The following BTNL3 variants were observed in gnomAD, a reference collection of about 807,000 sequenced individuals.
BTNL3 encodes the protein butyrophilin like 3, also known as butyrophilin-like protein 3.
Under a neutral mutation model 40.1 loss-of-function variants are expected in BTNL3, and 20 were observed. The ratio of observed to expected loss-of-function variants is 0.50; its 90% CI spans 0.35 to 0.72. The LOEUF is 0.72. BTNL3 is among the 30% of genes least tolerant of loss of function. The probability of loss-of-function intolerance (pLI) is 0.01; values close to 1 mark genes in which losing one functional copy is unlikely to be tolerated. For synonymous variants in BTNL3, 179 were observed against 222.1 expected, an observed-to-expected ratio of 0.81 and a Z score of 1.73; for missense variants, 449 against 582.2, an observed-to-expected ratio of 0.77 and a Z score of 2.35.
intron 3 of BTNL3, among the ~76,000 whole-genome samples, chr5:181,001,542 C>T (rs963485437): frequency 3.8e-5 from 5 of 132,356 alleles, no homozygotes; most frequent in Admixed American, 8.2e-5. Flanking sequence ...GTCTCGAACT[C>T]CTGTCCTTAA....
rs1760162880 is a variant in BTNL3 at position 181,003,740 on chromosome 5, A to G, written c.788-116A>G. On this transcript the variant is annotated intron_variant, in intron 4 of 7. Transcript: ENST00000342868. ...GGAGACGAGCACATATAAGTGTCCT[A>G]GGAGAGGCCCTGCCCTTCACACCTG... 5.8e-6 allele frequency: 9 copies of G among 1,559,948 alleles called. No homozygotes were observed. In the South Asian group the frequency reaches 1.1e-4, roughly 18 times the overall value.
intron 3 of BTNL3, among the ~76,000 whole-genome samples, chr5:181,000,608 C>G (rs1276646476): frequency 7.5e-6 from 1 of 132,622 alleles, no homozygotes; most frequent in Non-Finnish European, 1.7e-5. Flanking sequence ...AGATCGAGAC[C>G]ATCCTGGCTA....
rs557961038 is a variant in BTNL3 at position 180,995,925 on chromosome 5, T to C, written c.398-1288T>C. On this transcript the variant is annotated intron_variant, in intron 2 of 7. Transcript: ENST00000342868. ...CTTGCCGCATTTCTAGGGTTTATGA[T>C]TTTACTTAGAGAAAGGAGCAAGGAA... Among the ~76,000 whole-genome samples the C allele has an allele frequency of 4.1e-4, 56 of 135,734 alleles. 7 individuals are homozygous for C. Among genetic ancestry groups the C allele is most frequent in the African/African-American group, 1.4e-3 (55 of 39,582 alleles). 89.0% of individuals were successfully genotyped at this position (135,734 alleles called of 152,430 possible).
intron 5 of BTNL3, 167 bp downstream of exon 5, chr5:181,004,043 G>T: frequency 6.5e-7 from 1 of 1,538,842 alleles, no homozygotes; most frequent in East Asian, 2.3e-5. Flanking sequence ...GTTACCCCTC[G>T]GACATCTGGA....
intron 1 of BTNL3, among the ~76,000 whole-genome samples, chr5:180,989,448 G>C (rs1346399273): frequency 7.3e-6 from 1 of 137,024 alleles, no homozygotes; most frequent in African/African-American, 2.5e-5. Flanking sequence ...CCAGGTTTTT[G>C]ACTTGGGTGC....
chr5:180,998,825 T>C (rs2113081798), intron 3 of BTNL3, among the ~76,000 whole-genome samples: 1 of 137,858 alleles, frequency 7.3e-6, no homozygotes, highest in African/African-American at 2.5e-5. Flanking sequence ...AATATAGTTT[T>C]CTGAGTCAAA....
intron 4 of BTNL3, 75 bp from the exon 5 acceptor site, chr5:181,003,781 G>A (rs1760163512): frequency 6.2e-7 from 1 of 1,612,478 alleles, no homozygotes; most frequent in African/African-American, 1.3e-5. Context: ...CGTCCCACCT[G>A]TGCAAGGAGC....
At chr5:181,004,510 A>AT in intron 6 of BTNL3, 67 bp downstream of exon 6, 1 of 801,286 alleles carries the variant, frequency 1.2e-6, no homozygotes, top group African/African-American at 1.7e-5. Context: ...ATGGATTTTT[A>AT]TATCCTGAGG....
In BTNL3 at chr5:181,005,565, G is replaced by A. The variant is rs1490749774; in HGVS notation, c.1094G>A (p.Gly365Glu). The A allele has an allele frequency of 6.2e-7, 1 of 1,614,000 alleles. No homozygotes were observed. The highest frequency in any genetic ancestry group is 1.1e-5 in the South Asian group (1 of 91,078). ...VGVCRDDVDR[G>E]KNNVTLSPNN... ...GTGTGTCGGGATGACGTAGACAGGGGGAAGAACAATGTGACTTTGTCTCCC... is the reference window on the plus strand; with the variant it reads ...GTGTGTCGGGATGACGTAGACAGGGAGAAGAACAATGTGACTTTGTCTCCC... Residue 365 changes from glycine to glutamate, a missense_variant, in exon 8 of 8, where the codon GGG (glycine) becomes GAG (glutamate). Physicochemically the swap from Gly to Glu is moderately conservative, Grantham distance 98. Coordinates refer to ENST00000342868, the MANE Select transcript of BTNL3 (RefSeq NM_197975.3).
intron 3 of BTNL3, among the ~76,000 whole-genome samples, chr5:181,002,212 G>A (rs1450116641): frequency 2.3e-5 from 3 of 131,088 alleles, no homozygotes; most frequent in African/African-American, 7.8e-5. Context: ...ATCCAAGCTT[G>A]AACATGAGGT....
At position 180,988,912 on chromosome 5, in the gene BTNL3, C is replaced by A. The variant is rs547657342; in HGVS notation, c.-117C>A. 1.7e-6 allele frequency: 2 copies of A among 1,162,314 alleles called. 1 individual carries two copies. The highest frequency in any genetic ancestry group is 2.4e-6 in the Non-Finnish European group (2 of 825,572). The allele number at this position is 1,162,314 out of a possible 1,614,324, so 72.0% of individuals were successfully genotyped here. On this transcript the variant is annotated 5_prime_UTR_variant, in exon 1 of 8. Coordinates refer to ENST00000342868, the MANE Select transcript of BTNL3 (RefSeq NM_197975.3). ...GAGAAATGCACAGTTTGACATCGTT[C>A]ATGAAGAGCCTCTCCACGGCTCCTG...
In BTNL3 at chr5:180,997,180, C is replaced by G; in HGVS notation, c.398-33C>G. On this transcript the variant is annotated intron_variant, in intron 2 of 7. Coordinates refer to ENST00000342868, the MANE Select transcript of BTNL3 (RefSeq NM_197975.3). ...AAATGCTGTAAGCTTGAAATTTGGTCTTTGCTTTCATCTTTCCCTGTTTTC... is the reference window on the plus strand; with the variant it reads ...AAATGCTGTAAGCTTGAAATTTGGTGTTTGCTTTCATCTTTCCCTGTTTTC... 2 of 1,462,572 alleles carry G rather than the reference C, an allele frequency of 1.4e-6. 1 individual carries two copies. Among genetic ancestry groups the G allele is most frequent in the East Asian group, 4.9e-5 (2 of 40,986 alleles). The allele number at this position is 1,462,572 out of a possible 1,614,324, so 90.6% of individuals were successfully genotyped here.
chr5:181,004,440 G>A lies in BTNL3; in HGVS notation c.832G>A (p.Ala278Thr). ...AGACTGGAGAAGAAAGCACGGACAG[G>A]CAGGTAAAAGAAAATATTCCTCTTC... The part of the protein sequence containing the change: ...ELDWRRKHGQ[A>T]ELRDARKHAV... The change falls in exon 6 of 8, where the codon GCA (alanine) becomes ACA (threonine). Residue 278 changes from alanine (A) to threonine (T), a missense_variant. By Grantham distance (58) the Ala-to-Thr change is moderately conservative. This residue lies in a region of BTNL3 where 323 missense variants were observed against 464.9 expected (regional missense o/e 0.69). Transcript: ENST00000342868. 3 of 1,194,586 alleles carry A rather than the reference G, an allele frequency of 2.5e-6. No homozygotes were observed. Among genetic ancestry groups the A allele is most frequent in the Non-Finnish European group, 3.6e-6 (3 of 831,892 alleles). The allele number at this position is 1,194,586 out of a possible 1,614,324, so 74.0% of individuals were successfully genotyped here.
chr5:180,996,175 A>G (rs1760033117), intron 2 of BTNL3, among the ~76,000 whole-genome samples: 1 of 136,600 alleles, frequency 7.3e-6, no homozygotes, highest in South Asian at 2.2e-4. Context: ...GTACTTTTGC[A>G]TATTTCCCAA....
chr5:180,992,788 T>G, intron 1 of BTNL3, 25 bp from the exon 2 acceptor site: 1 of 1,461,338 alleles, frequency 6.8e-7, no homozygotes. Flanking sequence ...TTTTGCTCAG[T>G]TGTCTGTTAT....
chr5:180,996,422 T>C (rs1163082755), intron 2 of BTNL3, among the ~76,000 whole-genome samples: 1 of 136,004 alleles, frequency 7.4e-6, no homozygotes, highest in Non-Finnish European at 1.7e-5. Flanking sequence ...CATACAGGCC[T>C]TGCCATAACT....
rs998045953 is a variant in BTNL3 at position 180,994,627 on chromosome 5, CTCTT to C, written c.397+1471_397+1474del. Among the ~76,000 whole-genome samples the C allele has an allele frequency of 1.8e-4, 24 of 136,150 alleles. 6 individuals carry two copies. Among genetic ancestry groups the C allele is most frequent in the Non-Finnish European group, 2.3e-4 (14 of 59,622 alleles). The allele number at this position is 136,150 out of a possible 152,430, so 89.3% of individuals were successfully genotyped here. On this transcript the variant is annotated intron_variant, in intron 2 of 7. Transcript: ENST00000342868. The stretch of plus-strand genomic sequence containing the variant: ...TCTTTAAATACTCTTTCAGCTCTCT[CTCTT>C]TCTCCTCTCCTTCTGGGACTATGAT...
rs1053536550 is a variant in BTNL3, at chr5:180,994,238, T to C, written c.397+1078T>C. ...TCATTTCCTTTCTGTTTGAAGAATT[T>C]CCTCCAGCCATCCTTTTAGGATAGG... is the stretch of plus-strand genomic sequence containing the variant. On this transcript the variant is annotated intron_variant, in intron 2 of 7. Transcript: ENST00000342868. Among the ~76,000 whole-genome samples the C allele has an allele frequency of 2.2e-5, 3 of 137,672 alleles. 1 individual carries two copies. Among genetic ancestry groups the C allele is most frequent in the African/African-American group, 7.5e-5 (3 of 39,968 alleles). The allele number at this position is 137,672 out of a possible 152,430, so 90.3% of individuals were successfully genotyped here.
In BTNL3 at chr5:181,004,758, C is replaced by T. The variant is rs371454208; in HGVS notation, c.858C>T (p.His286=). The T allele has an allele frequency of 4.0e-4, 642 of 1,614,114 alleles. 1 individual carries two copies. The highest frequency in any genetic ancestry group is 4.7e-4 in the Non-Finnish European group (551 of 1,180,038). ...CAGAATTGAGAGACGCCCGGAAACA[C>T]GCAGGTACCAACGCCTGAGAGGGTA... ...GQAELRDARK[H]AVEVTLDPET... is the part of the protein sequence containing the mutation. The change falls in exon 7 of 8, where the codon CAC becomes CAT. Residue 286 remains histidine, a synonymous_variant. Transcript: ENST00000342868.
Sources: gnomAD v4.1 joint callset for allele counts (sites outside exome capture counted in the v4.1 genomes callset) on GRCh38, gnomAD v4.1.1 for gene constraint, gnomAD v4.1.1 regional missense constraint, MANE v1.5 for transcripts, NCBI Gene and HGNC (gene_info 2026-07-23, HGNC 2026-07-21) for gene names.